Variants in SPEN observed in about 807,000 individuals in gnomAD.
SPEN encodes the protein spen family transcriptional repressor.
Under a neutral mutation model 269.9 loss-of-function variants are expected in SPEN, and 18 were observed. The ratio of observed to expected loss-of-function variants is 0.07; its 90% CI spans 0.05 to 0.10. SPEN has a LOEUF of 0.10. Among genes scored for constraint, SPEN ranks in the 10% least tolerant of loss-of-function variants. SPEN has a pLI of 1.00. For missense variants in SPEN, 3,822 were observed against 4,631.2 expected (o/e 0.83, Z 5.07); for synonymous variants, 1,726 against 1,765.7 (o/e 0.98, Z 0.56).
chr1:15,881,102 G>A (rs1243077487), intron 3 of SPEN, among the ~76,000 whole-genome samples: 1 of 152,122 alleles, frequency 6.6e-6, no homozygotes, highest in Non-Finnish European at 1.5e-5. Flanking sequence ...CTGAGTAGCT[G>A]GGATTATAGG....
chr1:15,926,500 G>C (rs1051831026), intron 10 of SPEN, among the ~76,000 whole-genome samples: 2 of 151,496 alleles, frequency 1.3e-5, no homozygotes, highest in Admixed American at 6.6e-5. Flanking sequence ...GTGTTGGAAT[G>C]TTCAGTCTAG....
rs778565072 is a variant in SPEN, at chr1:15,929,141, G to A, written c.2901G>A (p.Glu967=). Residue 967 remains glutamate (E), a synonymous_variant, in exon 11 of 15, where the codon GAG becomes GAA. Transcript: ENST00000375759. This position sits in a 1 kb window ranked among gnomAD's most constrained non-coding sequence, Gnocchi z 5.8. ...RLKARKHLKP[E]QPADGVSAVD... is the part of the protein sequence containing the mutation. ...AAGCCAGGAAGCACCTCAAGCCTGA[G>A]CAGCCTGCAGATGGGGTAAGTGCTG... is the stretch of plus-strand genomic sequence containing the variant. The A allele has an allele frequency of 1.2e-6, 2 of 1,614,228 alleles. No homozygotes were observed. The highest frequency in any genetic ancestry group is 1.7e-6 in the Non-Finnish European group (2 of 1,180,032).
chr1:15,888,567 G>A (rs896479811), intron 3 of SPEN, among the ~76,000 whole-genome samples: 2 of 151,638 alleles, frequency 1.3e-5, no homozygotes, highest in Non-Finnish European at 2.9e-5. Context: ...CAGGTGATCC[G>A]CCCAGCTTTG....
chr1:15,937,478 C>T lies in SPEN; in HGVS notation c.10342C>T (p.Pro3448Ser), dbSNP rs757518984. Residue 3448 changes from proline (P) to serine (S), a missense_variant, in exon 12 of 15, where the codon CCC becomes TCC. Physicochemically the swap from Pro to Ser is moderately conservative, Grantham distance 74. Coordinates refer to ENST00000375759, the MANE Select transcript of SPEN (RefSeq NM_015001.3). This position sits in a 1 kb window ranked among gnomAD's most constrained non-coding sequence, Gnocchi z 5.7. ...SMKPDLPVSL[P>S]TQTAPKQPLF... ...GAAGCCTGACCTTCCAGTCTCTCTTCCCACTCAGACTGCCCCAAAACAGCC... is the reference window on the plus strand; with the variant it reads ...GAAGCCTGACCTTCCAGTCTCTCTTTCCACTCAGACTGCCCCAAAACAGCC... 1.2e-6 allele frequency: 2 copies of T among 1,613,908 alleles called. No homozygotes were observed. The highest frequency in any genetic ancestry group is 4.5e-5 in the East Asian group (2 of 44,884).
chr1:15,908,869 G>A (rs563576195), intron 3 of SPEN, among the ~76,000 whole-genome samples: 11 of 152,180 alleles, frequency 7.2e-5, no homozygotes, highest in African/African-American at 2.6e-4. Context: ...TGTTCCATGT[G>A]GTAACTTTAG....
In SPEN at chr1:15,906,773, C is replaced by CTTT. The variant is rs1229092780; in HGVS notation, c.882-2529_882-2527dup. ...GCCACTGCACTCGGCATGTTTTCAT[C>CTTT]TTTTTTTTTTTTTTTTTTTTTGAGA... On this transcript the variant is annotated intron_variant, in intron 3 of 14. Transcript: ENST00000375759. Among the ~76,000 whole-genome samples the CTTT allele has an allele frequency of 1.5e-3, 143 of 96,500 alleles. 3 individuals carry two copies. Among genetic ancestry groups the CTTT allele is most frequent in the Middle Eastern group, 6.3e-3 (1 of 158 alleles). 63.3% of individuals were successfully genotyped at this position (96,500 alleles called of 152,430 possible).
chr1:15,936,492 T>A (rs545154890), intron 11 of SPEN, among the ~76,000 whole-genome samples: 1 of 150,084 alleles, frequency 6.7e-6, no homozygotes, highest in Non-Finnish European at 1.5e-5. Context: ...AAAAAAAAAT[T>A]ACAAAAATTA....
At chr1:15,892,012 CTTTTTTTTTT>C (rs71003216) in intron 3 of SPEN, among the ~76,000 whole-genome samples, 2 of 74,574 alleles carry the variant, frequency 2.7e-5, no homozygotes, top group East Asian at 3.8e-4. Context: ...TTTCTTTTTA[CTTTTTTTTTT>C]TTTTTTTTTT....
intron 3 of SPEN, among the ~76,000 whole-genome samples, chr1:15,883,868 G>A (rs2070712034): frequency 6.8e-6 from 1 of 146,172 alleles, no homozygotes; most frequent in Non-Finnish European, 1.5e-5. Flanking sequence ...GGAGTGCAGT[G>A]GTGTGATCTC....
Position 15,937,909 on chromosome 1 carries a change from G to A in SPEN, c.10607G>A (p.Arg3536Gln), listed in dbSNP as rs762946669. The A allele has an allele frequency of 5.0e-6, 8 of 1,614,036 alleles. No homozygotes were observed. In the African/African-American group the frequency reaches 5.3e-5, roughly 11 times the overall value. Residue 3536 changes from arginine to glutamine, a missense_variant, in exon 13 of 15, where the codon CGG becomes CAG. Arg to Gln is a conservative substitution (Grantham distance 43). Coordinates refer to ENST00000375759, the MANE Select transcript of SPEN (RefSeq NM_015001.3). This position sits in a 1 kb window ranked among gnomAD's most constrained non-coding sequence, Gnocchi z 5.7. ...TCTGGCAACAACGTCCTGGCCCATC[G>A]GTCCCTGCCCCTTTCTGAAGGAGGG... ...FVSGNNVLAHRSLPLSEGGPP... is the reference protein window; with the variant it reads ...FVSGNNVLAHQSLPLSEGGPP...
At position 15,936,032 on chromosome 1, in the gene SPEN, T is replaced by C; in HGVS notation, c.9792T>C (p.His3264=). The C allele has an allele frequency of 7.1e-7, 1 of 1,416,182 alleles. No individual in the cohort carries two copies. The highest frequency in any genetic ancestry group is 3.3e-5 in the East Asian group (1 of 29,868). 87.7% of individuals were successfully genotyped at this position (1,416,182 alleles called of 1,614,324 possible). A position where few individuals can be genotyped will look rare whatever the true frequency, so the allele number is the denominator to read the frequency against. The change falls in exon 11 of 15, where the codon CAT becomes CAC. Residue 3264 remains histidine, a synonymous_variant. Coordinates refer to ENST00000375759, the MANE Select transcript of SPEN (RefSeq NM_015001.3). ...TTCCTGCCCCTGCTCCTGCCCCTCATGGTGAGGCCCGTATCCTCACAGTTA... is the reference window on the plus strand; with the variant it reads ...TTCCTGCCCCTGCTCCTGCCCCTCACGGTGAGGCCCGTATCCTCACAGTTA... ...VPLPAPAPAP[H]GEARILTVTP... is the part of the protein sequence containing the mutation.
At position 15,863,764 on chromosome 1, in the gene SPEN, C is replaced by T. The variant is rs541932198; in HGVS notation, c.84-9052C>T. Reference sequence around the variant, plus strand: ...GCTGAGATAGGAGGATTGCTTGAGCCTGGGAGGTTGAGGCTGCAGTGAGCC... The same window carrying T: ...GCTGAGATAGGAGGATTGCTTGAGCTTGGGAGGTTGAGGCTGCAGTGAGCC... On this transcript the variant is annotated intron_variant, in intron 1 of 14. Transcript: ENST00000375759. Among the ~76,000 whole-genome samples, 6 of 152,232 alleles carry T rather than the reference C, an allele frequency of 3.9e-5. No individual in the cohort carries two copies. In the South Asian group the frequency reaches 1.2e-3, roughly 32 times the overall value.
At chr1:15,855,888 T>C (rs944378256) in intron 1 of SPEN, among the ~76,000 whole-genome samples, 5 of 151,630 alleles carry the variant, frequency 3.3e-5, no homozygotes, top group Admixed American at 6.6e-5. Context: ...TTATGCTGTT[T>C]GCAGTGAAGG....
intron 1 of SPEN, among the ~76,000 whole-genome samples, chr1:15,862,990 T>G (rs2070462855): frequency 1.3e-5 from 2 of 152,142 alleles, no homozygotes. Flanking sequence ...TTCGATCTCC[T>G]GACCTTGTGG....
intron 8 of SPEN, 137 bp from the exon 9 acceptor site, chr1:15,920,733 T>C (rs891907584): frequency 2.2e-5 from 6 of 269,440 alleles, no homozygotes; most frequent in Admixed American, 1.5e-4. Context: ...TGCATCACAC[T>C]TTTTTTTTTA....
Position 15,867,784 on chromosome 1 carries a change from A to G in SPEN, c.84-5032A>G, listed in dbSNP as rs182597508. ...TTGTGATTTTGATTTTGATTTCCCT[A>G]ATGACTAATGATGACTAAATTTACC... On this transcript the variant is annotated intron_variant, in intron 1 of 14. Coordinates refer to ENST00000375759, the MANE Select transcript of SPEN (RefSeq NM_015001.3). 8.3e-4 allele frequency among the ~76,000 whole-genome samples: 126 copies of G among 151,178 alleles called. 1 individual carries two copies. The highest frequency in any genetic ancestry group is 3.3e-3 in the South Asian group (16 of 4,800).
At position 15,932,066 on chromosome 1, in the gene SPEN, A is replaced by G; in HGVS notation, c.5826A>G (p.Ala1942=). 1 of 1,614,136 alleles carries G rather than the reference A, an allele frequency of 6.2e-7. No individual in the cohort carries two copies. The highest frequency in any genetic ancestry group is 1.1e-5 in the South Asian group (1 of 91,090). ...TGGAGCGAGAGCTTCAGGAGGCTGC[A>G]GCGGTTCCCACCACCCCTCGGAGGG... ...KRLERELQEA[A]AVPTTPRRGR... The change falls in exon 11 of 15, where the codon GCA becomes GCG. Residue 1942 remains alanine, a synonymous_variant. Transcript: ENST00000375759. The surrounding 1 kb of genome is among the most constrained non-coding windows in gnomAD (Gnocchi z 4.2).
In SPEN at chr1:15,930,550, A is replaced by G. The variant is rs1217915868; in HGVS notation, c.4310A>G (p.Asp1437Gly). The stretch of plus-strand genomic sequence containing the variant: ...AACAAATTTTACTCTTTTGCATTGG[A>G]TAAGACAATCACACCAGACACTAAA... The part of the protein sequence containing the change: ...ERNKFYSFAL[D>G]KTITPDTKAL... Residue 1437 changes from aspartate (D) to glycine (G), a missense_variant, in exon 11 of 15, where the codon GAT (aspartate) becomes GGT (glycine). By Grantham distance (94) the Asp-to-Gly change is moderately conservative (BLOSUM62 -1). This residue lies in a region of SPEN where 267 missense variants were observed against 315.5 expected (regional missense o/e 0.85). Coordinates refer to ENST00000375759, the MANE Select transcript of SPEN (RefSeq NM_015001.3). The surrounding 1 kb of genome is among the most constrained non-coding windows in gnomAD (Gnocchi z 5.3). The G allele has an allele frequency of 1.2e-6, 2 of 1,614,148 alleles. No individual in the cohort carries two copies. The highest frequency in any genetic ancestry group is 8.5e-7 in the Non-Finnish European group (1 of 1,179,998).
chr1:15,869,578 C>CTTTATTTATTTA (rs2070552261), intron 1 of SPEN, among the ~76,000 whole-genome samples: 1 of 105,754 alleles, frequency 9.5e-6, no homozygotes, highest in South Asian at 3.1e-4. Context: ...ATTGTCTCTA[C>CTTTATTTATTTA]TGTATTTATT....
Sources: gnomAD v4.1 joint callset for allele counts (sites outside exome capture counted in the v4.1 genomes callset) on GRCh38, gnomAD v4.1.1 for gene constraint, gnomAD v4.1.1 regional missense constraint, Gnocchi (gnomAD v3.1) non-coding constraint, MANE v1.5 for transcripts, NCBI Gene and HGNC (gene_info 2026-07-23, HGNC 2026-07-21) for gene names.